The following BCL2 variants were observed in gnomAD, a reference collection of about 807,000 sequenced individuals.
BCL2 encodes the protein apoptosis regulator Bcl-2.
In BCL2, 1 loss-of-function variant was observed where a neutral mutation model predicts 14.2. The ratio of observed to expected loss-of-function variants is 0.07; its 90% CI spans 0.02 to 0.33. The LOEUF (loss-of-function observed/expected upper bound fraction) is 0.33. Ranked by LOEUF, BCL2 falls within the 10% of genes least tolerant of loss-of-function variation. The probability of loss-of-function intolerance (pLI) is 0.99; values close to 1 mark genes in which losing one functional copy is unlikely to be tolerated. For synonymous variants in BCL2, 151 were observed against 137.2 expected (o/e 1.10, Z -0.70); for missense variants, 247 against 305.9 (o/e 0.81, Z 1.44).
At chr18:63,184,692 A>C (rs1409078913) in intron 2 of BCL2, among the ~76,000 whole-genome samples, 1 of 152,234 alleles carries the variant, frequency 6.6e-6, no homozygotes, top group African/African-American at 2.4e-5. Flanking sequence ...GCTTCCTGAA[A>C]TATTTGAAGG....
intron 2 of BCL2, among the ~76,000 whole-genome samples, chr18:63,236,660 T>C (rs1184617664): frequency 6.6e-6 from 1 of 152,196 alleles, no homozygotes; most frequent in East Asian, 1.9e-4. Context: ...AATGAATCTG[T>C]AATTCACTCA....
At chr18:63,223,630 G>T (rs1258735166) in intron 2 of BCL2, among the ~76,000 whole-genome samples, 1 of 152,086 alleles carries the variant, frequency 6.6e-6, no homozygotes, top group East Asian at 1.9e-4. Context: ...CCTCATCTCA[G>T]CTCCCAGCCT....
chr18:63,275,660 C>A (rs1912131773), intron 2 of BCL2, among the ~76,000 whole-genome samples: 1 of 152,120 alleles, frequency 6.6e-6, no homozygotes, highest in African/African-American at 2.4e-5. Context: ...TTGTAATTTC[C>A]AGTTTAGGGT....
Position 63,212,283 on chromosome 18 carries a change from ATG to A in BCL2, c.586-83526_586-83525del, listed in dbSNP as rs1386067584. ...GCAGAGGTTGCAGTGAGCCAAGAGC[ATG>A]CCACTGCACTCCAGCCTGGGCGACA... is the stretch of plus-strand genomic sequence containing the variant. On this transcript the variant is annotated intron_variant, in intron 2 of 2. Coordinates refer to ENST00000333681, the MANE Select transcript of BCL2 (RefSeq NM_000633.3). Among the ~76,000 whole-genome samples the A allele has an allele frequency of 4.8e-4, 73 of 151,766 alleles. 1 individual carries two copies. The highest frequency in any genetic ancestry group is 1.6e-3 in the African/African-American group (66 of 41,476).
intron 2 of BCL2, among the ~76,000 whole-genome samples, chr18:63,221,930 G>A (rs1389333808): frequency 6.6e-6 from 1 of 152,086 alleles, no homozygotes; most frequent in Non-Finnish European, 1.5e-5. Context: ...CTCCAGAAAA[G>A]ACAAACATAT....
chr18:63,133,138 C>A (rs942892065), intron 2 of BCL2, among the ~76,000 whole-genome samples: 6 of 152,200 alleles, frequency 3.9e-5, no homozygotes, highest in Non-Finnish European at 8.8e-5. Context: ...GATGGCTAAA[C>A]TCCCAGCCGC....
At chr18:63,275,155 G>A (rs1202508042) in intron 2 of BCL2, among the ~76,000 whole-genome samples, 2 of 151,970 alleles carry the variant, frequency 1.3e-5, no homozygotes, top group Non-Finnish European at 2.9e-5. Flanking sequence ...GGCTGAGGCA[G>A]GAGGATTGCT....
chr18:63,235,018 A>G (rs1040653214), intron 2 of BCL2, among the ~76,000 whole-genome samples: 2 of 152,238 alleles, frequency 1.3e-5, no homozygotes, highest in Admixed American at 6.5e-5. Context: ...AAACGGGCCA[A>G]GGAAAGAAAG....
At chr18:63,263,478 C>T (rs528794956) in intron 2 of BCL2, among the ~76,000 whole-genome samples, 2 of 152,274 alleles carry the variant, frequency 1.3e-5, no homozygotes, top group South Asian at 4.2e-4. Context: ...TGATGAGTGG[C>T]CCTTCTCCCT....
At chr18:63,272,333 C>T (rs1000140970) in intron 2 of BCL2, among the ~76,000 whole-genome samples, 1 of 152,204 alleles carries the variant, frequency 6.6e-6, no homozygotes, top group Non-Finnish European at 1.5e-5. Context: ...CTGGCCATTA[C>T]AGGAGGTATG....
intron 2 of BCL2, among the ~76,000 whole-genome samples, chr18:63,169,155 C>T (rs1006187282): frequency 5.3e-5 from 8 of 152,184 alleles, no homozygotes; most frequent in African/African-American, 1.7e-4. Context: ...ATTTCCTAAT[C>T]GATTCCATGG....
intron 2 of BCL2, among the ~76,000 whole-genome samples, chr18:63,247,010 T>C (rs1294383973): frequency 2.0e-5 from 3 of 152,198 alleles, no homozygotes; most frequent in East Asian, 3.8e-4. Flanking sequence ...ATTTGAGTGA[T>C]GTCTTCAACA....
chr18:63,235,164 ACT>A (rs1910791524), intron 2 of BCL2, among the ~76,000 whole-genome samples: 1 of 152,114 alleles, frequency 6.6e-6, no homozygotes. Context: ...TTTAAATATG[ACT>A]CTAACAAGTA....
intron 2 of BCL2, among the ~76,000 whole-genome samples, chr18:63,291,922 C>T (rs1353729950): frequency 6.6e-6 from 1 of 151,952 alleles, no homozygotes; most frequent in Non-Finnish European, 1.5e-5. Flanking sequence ...AGAAGATTCC[C>T]ATGGGAAGCA....
In BCL2 at chr18:63,138,303, C is replaced by T. The variant is rs144024445; in HGVS notation, c.586-9544G>A. Among the ~76,000 whole-genome samples, 356 of 152,322 alleles carry T rather than the reference C, an allele frequency of 2.3e-3. 1 individual carries two copies. The highest frequency in any genetic ancestry group is 0.01 in the Middle Eastern group (3 of 294). On this transcript the variant is annotated intron_variant, in intron 2 of 2. Transcript: ENST00000333681. Reference sequence around the variant, plus strand: ...GGTGAGGAAGTGACTCCATTTCCCCCCTTATCATCGGCTCGGCAGGATTTC... The same window carrying T: ...GGTGAGGAAGTGACTCCATTTCCCCTCTTATCATCGGCTCGGCAGGATTTC...
intron 2 of BCL2, among the ~76,000 whole-genome samples, chr18:63,151,504 T>G (rs1914651170): frequency 3.4e-5 from 1 of 29,354 alleles, no homozygotes; most frequent in Non-Finnish European, 6.0e-5. Flanking sequence ...CGATAACAGA[T>G]GAGGGGCTGG....
intron 2 of BCL2, among the ~76,000 whole-genome samples, chr18:63,134,134 G>T (rs1292385743): frequency 6.6e-6 from 1 of 152,172 alleles, no homozygotes; most frequent in South Asian, 2.1e-4. Flanking sequence ...AGTGATTATC[G>T]TTGAAGGCAG....
chr18:63,285,634 T>C (rs1307128159), intron 2 of BCL2, among the ~76,000 whole-genome samples: 1 of 152,168 alleles, frequency 6.6e-6, no homozygotes, highest in Non-Finnish European at 1.5e-5. Context: ...ATGTCAGCCA[T>C]GTGGTACGGT....
At chr18:63,302,719 AGAG>A (rs1408500760) in intron 2 of BCL2, 4 of 985,284 alleles carry the variant, frequency 4.1e-6, no homozygotes, top group South Asian at 4.7e-5. Flanking sequence ...GGGGGGAAAA[AGAG>A]GTTTAGTAAG....
Sources: allele counts gnomAD v4.1 joint callset (sites outside exome capture counted in the v4.1 genomes callset), GRCh38; gene constraint gnomAD v4.1.1; transcripts MANE v1.5; gene names NCBI Gene and HGNC (gene_info 2026-07-23, HGNC 2026-07-21).